The following RDX variants were observed in gnomAD, a reference collection of about 807,000 sequenced individuals.
RDX encodes radixin.
A neutral mutation model predicts 83.7 loss-of-function variants in RDX; 32 were observed. That is an observed-to-expected ratio of 0.38 (90% CI 0.29 to 0.51). The LOEUF (loss-of-function observed/expected upper bound fraction) is 0.51, where lower values mean the gene tolerates loss of function less well. Among genes scored for constraint, RDX ranks in the 20% least tolerant of loss-of-function variants. The pLI, the probability that RDX is intolerant of heterozygous loss-of-function variation, is 0.87. For missense variants in RDX, 600 were observed against 689.9 expected (o/e 0.87, Z 1.46); for synonymous variants, 229 against 222.7 (o/e 1.03, Z -0.25).
intron 15 of RDX, among the ~76,000 whole-genome samples, chr11:110,176,036 G>A (rs569844296): frequency 9.9e-5 from 15 of 152,198 alleles, no homozygotes; most frequent in Admixed American, 3.3e-4. Context: ...GGGCCAAGGC[G>A]GGTGTGGGTG....
chr11:110,223,224 C>T (rs772934649), intron 14 of RDX, among the ~76,000 whole-genome samples: 49 of 151,894 alleles, frequency 3.2e-4, no homozygotes, highest in Admixed American at 5.2e-4. Flanking sequence ...TGGTGGTGGG[C>T]GCCTGTGGTC....
At chr11:110,208,816 G>T (rs1467967693) in intron 14 of RDX, among the ~76,000 whole-genome samples, 1 of 152,146 alleles carries the variant, frequency 6.6e-6, no homozygotes, top group African/African-American at 2.4e-5. Flanking sequence ...ATTACCTGGG[G>T]GTAGTGGCGG....
At chr11:110,215,049 A>ATATATATATATATATATAT (rs1555033357) in intron 14 of RDX, among the ~76,000 whole-genome samples, 5 of 97,266 alleles carry the variant, frequency 5.1e-5, no homozygotes, top group African/African-American at 1.8e-4. Flanking sequence ...AAAAAAAAAA[A>ATATATATATATATATATAT]ATATATATAT....
intron 1 of RDX, among the ~76,000 whole-genome samples, chr11:110,290,759 T>C (rs1299711016): frequency 6.6e-6 from 1 of 152,202 alleles, no homozygotes; most frequent in Non-Finnish European, 1.5e-5. Flanking sequence ...TTGAAACCAT[T>C]CTACTGTTGT....
At chr11:110,251,374 T>C (rs1859333832) in intron 9 of RDX, among the ~76,000 whole-genome samples, 1 of 152,216 alleles carries the variant, frequency 6.6e-6, no homozygotes, top group Non-Finnish European at 1.5e-5. Context: ...ATTATTATAA[T>C]GGCTATTTTT....
chr11:110,228,460 C>A (rs1214696820), downstream of RDX, among the ~76,000 whole-genome samples: 1 of 152,014 alleles, frequency 6.6e-6, no homozygotes, highest in Non-Finnish European at 1.5e-5. Context: ...CAGCTCCACA[C>A]TGAACTGTTT....
chr11:110,262,944 G>A (rs995049660), intron 5 of RDX, among the ~76,000 whole-genome samples: 1 of 152,150 alleles, frequency 6.6e-6, no homozygotes, highest in African/African-American at 2.4e-5. Context: ...ACCAGCCTAG[G>A]AGTCTGAAAA....
rs2134302486 is a variant in RDX at position 110,233,591 on chromosome 11, G to A, written c.1345-112C>T. 6 of 1,143,228 alleles carry A rather than the reference G, an allele frequency of 5.2e-6. No individual in the cohort carries two copies. The South Asian group carries it at 8.3e-5, about 16-fold the overall frequency. The allele number at this position is 1,143,228 out of a possible 1,614,324, so 70.8% of individuals were successfully genotyped here. A position where few individuals can be genotyped will look rare whatever the true frequency, so the allele number is the denominator to read the frequency against. ...CTGTATTTCAAGGTAATGAAAATAG[G>A]CCCTATTTATGAAACCTCTATTTTC... On this transcript the variant is annotated intron_variant, in intron 12 of 13. Transcript: ENST00000645495.
chr11:110,260,367 C>T (rs1859752809), intron 5 of RDX, among the ~76,000 whole-genome samples: 1 of 152,176 alleles, frequency 6.6e-6, no homozygotes, highest in Non-Finnish European at 1.5e-5. Flanking sequence ...CCTCTTGGTA[C>T]CATTTGGCAG....
At chr11:110,269,571 C>G (rs967715500) in intron 3 of RDX, among the ~76,000 whole-genome samples, 1 of 152,200 alleles carries the variant, frequency 6.6e-6, no homozygotes, top group African/African-American at 2.4e-5. Context: ...TGACCTGAAC[C>G]TGCCAGCTTA....
intron 3 of RDX, among the ~76,000 whole-genome samples, chr11:110,269,264 C>T (rs1860195044): frequency 6.6e-6 from 1 of 152,128 alleles, no homozygotes; most frequent in South Asian, 2.1e-4. Flanking sequence ...AGGTGTGGGC[C>T]ACCAAGTCTA....
At chr11:110,223,115 C>G (rs1354061574) in intron 14 of RDX, among the ~76,000 whole-genome samples, 1 of 152,090 alleles carries the variant, frequency 6.6e-6, no homozygotes, top group Non-Finnish European at 1.5e-5. Flanking sequence ...CTTTGAGAGG[C>G]CGAGGGGGAC....
At chr11:110,188,807 A>AT (rs1014648455) in intron 15 of RDX, among the ~76,000 whole-genome samples, 25 of 152,110 alleles carry the variant, frequency 1.6e-4, no homozygotes, top group African/African-American at 5.6e-4. Context: ...CACTAAGAGA[A>AT]TTTTTTTACC....
chr11:110,258,242 A>G (rs1591159240), intron 5 of RDX, 53 bp from the exon 6 acceptor site: 2 of 1,196,914 alleles, frequency 1.7e-6, no homozygotes, highest in South Asian at 2.7e-5. Context: ...ATTCAAAAGC[A>G]TACACTTTAA....
chr11:110,198,680 C>A (rs978187227), intron 15 of RDX, among the ~76,000 whole-genome samples: 1 of 152,214 alleles, frequency 6.6e-6, no homozygotes, highest in Non-Finnish European at 1.5e-5. Context: ...AAAACCATCC[C>A]CTCCACCCCC....
chr11:110,252,555 C>A (rs1026447671), intron 9 of RDX, among the ~76,000 whole-genome samples: 2 of 152,056 alleles, frequency 1.3e-5, no homozygotes, highest in South Asian at 4.1e-4. Context: ...ACAGTGAAAT[C>A]TTTAAGACGA....
intron 14 of RDX, among the ~76,000 whole-genome samples, chr11:110,201,937 G>GTGTT (rs1372392311): frequency 6.8e-6 from 1 of 148,060 alleles, no homozygotes; most frequent in Non-Finnish European, 1.5e-5. Context: ...GTGTGTGTGT[G>GTGTT]TGTGTGTGTG....
chr11:110,241,420 C>T (rs1312863411), intron 10 of RDX, among the ~76,000 whole-genome samples: 1 of 152,078 alleles, frequency 6.6e-6, no homozygotes, highest in Non-Finnish European at 1.5e-5. Flanking sequence ...CCTCAGCCTC[C>T]GGAGTAGCTG....
At chr11:110,180,323 C>T (rs1241996918) in intron 15 of RDX, among the ~76,000 whole-genome samples, 1 of 152,064 alleles carries the variant, frequency 6.6e-6, no homozygotes, top group Non-Finnish European at 1.5e-5. Flanking sequence ...ATCCTATTTC[C>T]CCAACCCCCA....
Sources: gnomAD v4.1 joint callset for allele counts (sites outside exome capture counted in the v4.1 genomes callset) on GRCh38, gnomAD v4.1.1 for gene constraint, MANE v1.5 for transcripts, NCBI Gene and HGNC (gene_info 2026-07-23, HGNC 2026-07-21) for gene names.